Variants in CECR2 observed in about 807,000 individuals in gnomAD.
The protein encoded by CECR2 is CECR2 histone acetyl-lysine reader, also known as chromatin remodeling regulator CECR2.
A neutral mutation model predicts 154.5 loss-of-function variants in CECR2; 30 were observed. The ratio of observed to expected loss-of-function variants is 0.19; its 90% confidence interval spans 0.15 to 0.26. The LOEUF is 0.26. Ranked by LOEUF, CECR2 falls within the 10% of genes least tolerant of loss-of-function variation. CECR2 has a pLI of 1.00. For synonymous variants in CECR2, 725 were observed against 683.7 expected, an observed-to-expected ratio of 1.06 and a Z score of -0.94; for missense variants, 1,743 against 1,829.3, an observed-to-expected ratio of 0.95 and a Z score of 0.86.
intron 9 of CECR2, among the ~76,000 whole-genome samples, chr22:17,525,482 T>G (rs1030393033): frequency 2.0e-5 from 3 of 151,790 alleles, no homozygotes; most frequent in African/African-American, 7.3e-5. Flanking sequence ...AGCTCACGCC[T>G]GTAATCCCAG....
intron 2 of CECR2, among the ~76,000 whole-genome samples, chr22:17,489,539 T>G (rs1023184162): frequency 2.0e-5 from 3 of 152,200 alleles, no homozygotes; most frequent in Non-Finnish European, 2.9e-5. Context: ...CACTGCAGCC[T>G]CGACCTCCTG....
chr22:17,361,523 C>G (rs900102900), intron 1 of CECR2, among the ~76,000 whole-genome samples: 7 of 151,474 alleles, frequency 4.6e-5, no homozygotes, highest in African/African-American at 1.7e-4. Flanking sequence ...AAAAAACAAC[C>G]TAGGTTACAT....
chr22:17,488,256 T>G (rs1450918236), intron 2 of CECR2, among the ~76,000 whole-genome samples: 1 of 152,174 alleles, frequency 6.6e-6, no homozygotes, highest in African/African-American at 2.4e-5. Context: ...AAACAAACAT[T>G]TAGTGTTTTG....
intron 14 of CECR2, among the ~76,000 whole-genome samples, chr22:17,541,299 C>T (rs2056519038): frequency 6.6e-6 from 1 of 152,084 alleles, no homozygotes. Context: ...ACTAAAAATA[C>T]AAAAATTAGT....
At chr22:17,360,519 T>G (rs1336780985) in intron 1 of CECR2, among the ~76,000 whole-genome samples, 1 of 151,952 alleles carries the variant, frequency 6.6e-6, no homozygotes, top group East Asian at 1.9e-4. Context: ...CCGTATCTAC[T>G]AAAAATACAA....
rs137894330 is a variant in CECR2, at chr22:17,474,950, G to A, written c.127-2638G>A. Among the ~76,000 whole-genome samples, 300 of 152,106 alleles carry A rather than the reference G, an allele frequency of 2.0e-3. 1 individual carries two copies. Among genetic ancestry groups the A allele is most frequent in the African/African-American group, 6.7e-3 (276 of 41,472 alleles). On this transcript the variant is annotated intron_variant, in intron 1 of 18. Coordinates refer to ENST00000262608, the MANE Select transcript of CECR2 (RefSeq NM_001290047.2). ...AGTGTTGCCTTTATTATTTAATTTG[G>A]TACTTCCATGCTTAAAAAAATCTTA...
chr22:17,540,898 G>C (rs957638929), intron 14 of CECR2, 98 bp downstream of exon 14: 1 of 1,238,642 alleles, frequency 8.1e-7, no homozygotes, highest in African/African-American at 1.5e-5. Flanking sequence ...AAATACTTAC[G>C]TGTATGTATG....
At chr22:17,369,409 T>C (rs2063027220), upstream of CECR2, 1 of 150,334 alleles carries the variant, frequency 6.7e-6, no homozygotes, top group African/African-American at 2.4e-5. Flanking sequence ...CCCCTCCTCG[T>C]GGGCGGCCCC....
At chr22:17,504,586 G>A (rs1446663560) in intron 6 of CECR2, among the ~76,000 whole-genome samples, 17 of 151,334 alleles carry the variant, frequency 1.1e-4, no homozygotes, top group Admixed American at 7.9e-4. Context: ...ACAGGCGCCC[G>A]CCACCGCGCC....
chr22:17,528,911 G>T (rs2056307996), intron 9 of CECR2, among the ~76,000 whole-genome samples: 1 of 152,118 alleles, frequency 6.6e-6, no homozygotes, highest in Non-Finnish European at 1.5e-5. Flanking sequence ...TGAGTGATCT[G>T]AAGTAAAATT....
At chr22:17,523,009 GGA>G (rs1491199705) in intron 8 of CECR2, among the ~76,000 whole-genome samples, 1 of 150,286 alleles carries the variant, frequency 6.7e-6, no homozygotes, top group African/African-American at 2.5e-5. Context: ...CATCTCGGGG[GGA>G]AAAAAAAAAG....
chr22:17,526,828 AAAG>A (rs1917510686), intron 9 of CECR2, among the ~76,000 whole-genome samples: 1 of 151,268 alleles, frequency 6.6e-6, no homozygotes, highest in African/African-American at 2.4e-5. Flanking sequence ...AAAAAAAAAA[AAAG>A]AATTATATCT....
At chr22:17,454,319 G>A (rs1382220113) in intron 1 of CECR2, among the ~76,000 whole-genome samples, 1 of 151,922 alleles carries the variant, frequency 6.6e-6, no homozygotes, top group Non-Finnish European at 1.5e-5. Context: ...AGCTGGCCAG[G>A]CGTGGTGGCT....
intron 5 of CECR2, among the ~76,000 whole-genome samples, chr22:17,501,167 G>C (rs1291216872): frequency 2.6e-5 from 4 of 152,100 alleles, no homozygotes; most frequent in African/African-American, 9.7e-5. Flanking sequence ...TTAAGGATCA[G>C]CTCTATCACT....
At chr22:17,477,034 C>T (rs1017646839) in intron 1 of CECR2, 1 of 693,466 alleles carries the variant, frequency 1.4e-6, no homozygotes, top group Non-Finnish European at 2.7e-6. Context: ...ATCTCGCAAT[C>T]ACCTTTCATC....
At chr22:17,439,541 CA>C (rs201156336) in intron 1 of CECR2, among the ~76,000 whole-genome samples, 5 of 148,574 alleles carry the variant, frequency 3.4e-5, no homozygotes, top group East Asian at 2.0e-4. Context: ...ATCTTAATGA[CA>C]AAAAAAAATA....
At chr22:17,390,098 G>C (rs751573840) in intron 1 of CECR2, among the ~76,000 whole-genome samples, 1 of 152,062 alleles carries the variant, frequency 6.6e-6, no homozygotes, top group African/African-American at 2.4e-5. Flanking sequence ...AATTGTTTCT[G>C]GTTCAGGTTT....
chr22:17,407,288 T>A (rs2053998702), intron 1 of CECR2, among the ~76,000 whole-genome samples: 1 of 152,184 alleles, frequency 6.6e-6, no homozygotes. Context: ...TGAATGAGAA[T>A]ACCGTACTGG....
At chr22:17,510,668 G>C (rs1339356149) in intron 7 of CECR2, among the ~76,000 whole-genome samples, 4 of 152,048 alleles carry the variant, frequency 2.6e-5, no homozygotes, top group Non-Finnish European at 5.9e-5. Flanking sequence ...GTGGCATGAT[G>C]TCGGCTCACT....
Sources: allele counts gnomAD v4.1 joint callset (sites outside exome capture counted in the v4.1 genomes callset), GRCh38; gene constraint gnomAD v4.1.1; transcripts MANE v1.5; gene names NCBI Gene and HGNC (gene_info 2026-07-23, HGNC 2026-07-21).